PRKCA: variants seen among roughly 807,000 people sequenced by gnomAD.
PRKCA encodes protein kinase C alpha, also known as protein kinase C alpha type.
A neutral mutation model predicts 87.0 loss-of-function variants in PRKCA; 27 were observed. The ratio of observed to expected loss-of-function variants is 0.31; its 90% CI spans 0.23 to 0.43. PRKCA has a LOEUF of 0.43. Ranked by LOEUF, PRKCA falls within the 20% of genes least tolerant of loss-of-function variation. The pLI is 1.00. For synonymous variants in PRKCA, 329 were observed against 311.1 expected (o/e 1.06, Z -0.61); for missense variants, 518 against 852.3 (o/e 0.61, Z 4.88).
intron 3 of PRKCA, among the ~76,000 whole-genome samples, chr17:66,565,920 C>A (rs1481071333): frequency 1.3e-5 from 2 of 152,046 alleles, no homozygotes; most frequent in Admixed American, 6.5e-5. Context: ...ACTACCACAG[C>A]CCTAGTCCTC....
At chr17:66,464,186 C>G (rs1914981843) in intron 2 of PRKCA, among the ~76,000 whole-genome samples, 1 of 152,016 alleles carries the variant, frequency 6.6e-6, no homozygotes, top group African/African-American at 2.4e-5. Context: ...TATGTTTTTT[C>G]TATGTCTTTT....
intron 13 of PRKCA, among the ~76,000 whole-genome samples, chr17:66,746,580 G>A (rs1224752709): frequency 1.3e-5 from 2 of 152,106 alleles, no homozygotes; most frequent in Non-Finnish European, 2.9e-5. Flanking sequence ...TAGGCAAAGC[G>A]GAGGCTTAAG....
intron 2 of PRKCA, among the ~76,000 whole-genome samples, chr17:66,370,228 CTTTTT>C (rs35851942): frequency 9.3e-4 from 104 of 112,236 alleles, no homozygotes; most frequent in East Asian, 1.8e-3. Flanking sequence ...TATTTTGATA[CTTTTT>C]TTTTTTTTTT....
Position 66,741,711 on chromosome 17 carries a change from A to T in PRKCA, c.1375A>T (p.Ile459Phe). Residue 459 changes from isoleucine (I) to phenylalanine (F), a missense_variant, in exon 12 of 17, where the codon ATC (isoleucine) becomes TTC (phenylalanine). By Grantham distance (21) the Ile-to-Phe change is conservative. Coordinates refer to ENST00000413366, the MANE Select transcript of PRKCA (RefSeq NM_002737.3). ...ATTGTTCTTTCTTCATAAAAGAGGA[A>T]TCATTTATAGGTGTGTATTGAAGCC... ...IGLFFLHKRG[I>F]IYRDLKLDNV... 6.2e-7 allele frequency: 1 copy of T among 1,614,150 alleles called. No homozygotes were observed. The highest frequency in any genetic ancestry group is 8.5e-7 in the Non-Finnish European group (1 of 1,179,994).
intron 2 of PRKCA, among the ~76,000 whole-genome samples, chr17:66,433,480 T>G (rs1283204845): frequency 6.6e-6 from 1 of 152,036 alleles, no homozygotes; most frequent in Non-Finnish European, 1.5e-5. Flanking sequence ...ATGGATGGAG[T>G]AGCTAAAGGA....
At chr17:66,340,844 G>A (rs897080575) in intron 2 of PRKCA, among the ~76,000 whole-genome samples, 4 of 152,140 alleles carry the variant, frequency 2.6e-5, no homozygotes, top group Non-Finnish European at 4.4e-5. Flanking sequence ...AATTGAGAAG[G>A]TAGGGTAGCC....
intron 3 of PRKCA, among the ~76,000 whole-genome samples, chr17:66,501,903 G>A (rs982668658): frequency 6.6e-6 from 1 of 152,176 alleles, no homozygotes; most frequent in Non-Finnish European, 1.5e-5. Flanking sequence ...TTCTTTGGCT[G>A]CCATTGATTG....
At chr17:66,734,078 C>T (rs1050803331) in intron 9 of PRKCA, among the ~76,000 whole-genome samples, 2 of 152,150 alleles carry the variant, frequency 1.3e-5, no homozygotes, top group African/African-American at 4.8e-5. Context: ...AGAAATTTGC[C>T]ATGCCAGCTG....
At chr17:66,622,134 AG>A (rs1165142422) in intron 3 of PRKCA, among the ~76,000 whole-genome samples, 1 of 152,198 alleles carries the variant, frequency 6.6e-6, no homozygotes, top group East Asian at 1.9e-4. Context: ...GGTTATAGAG[AG>A]TTGTAATCGT....
At position 66,719,305 on chromosome 17, in the gene PRKCA, A is replaced by G. The variant is rs1973555767; in HGVS notation, c.919-13383A>G. Among the ~76,000 whole-genome samples the G allele has an allele frequency of 2.6e-5, 4 of 152,224 alleles. No homozygotes were observed. In the South Asian group the frequency reaches 8.3e-4, roughly 31 times the overall value. On this transcript the variant is annotated intron_variant, in intron 8 of 16. Transcript: ENST00000413366. ...GAGTGCTTATAACCAGAAGTTCACAATAAGCAAAGGGGAGAAGCAGGTTAC... is the reference window on the plus strand; with the variant it reads ...GAGTGCTTATAACCAGAAGTTCACAGTAAGCAAAGGGGAGAAGCAGGTTAC...
At chr17:66,306,985 ATAT>A (rs1904849777) in intron 2 of PRKCA, among the ~76,000 whole-genome samples, 2 of 152,140 alleles carry the variant, frequency 1.3e-5, no homozygotes, top group Admixed American at 1.3e-4. Context: ...AGCCTGGAAA[ATAT>A]TATCCTAACA....
intron 2 of PRKCA, among the ~76,000 whole-genome samples, chr17:66,362,437 C>G (rs948432453): frequency 6.6e-6 from 1 of 152,192 alleles, no homozygotes; most frequent in African/African-American, 2.4e-5. Flanking sequence ...GCTCTCCAGG[C>G]TGGGTGTCAT....
rs1598920426 is a variant in PRKCA, at chr17:66,756,721, G to T, written c.1524+13961G>T. Among the ~76,000 whole-genome samples, 5 of 152,206 alleles carry T rather than the reference G, an allele frequency of 3.3e-5. No homozygotes were observed. The South Asian group carries it at 1.0e-3, about 32-fold the overall frequency. ...CTGTCACCCAGGCTGGAGTCCAGTAGCATGATCTCAGCTCACTGCAACCTC... is the reference window on the plus strand; with the variant it reads ...CTGTCACCCAGGCTGGAGTCCAGTATCATGATCTCAGCTCACTGCAACCTC... On this transcript the variant is annotated intron_variant, in intron 13 of 16. Coordinates refer to ENST00000413366, the MANE Select transcript of PRKCA (RefSeq NM_002737.3).
chr17:66,346,225 T>A (rs1907351957), intron 2 of PRKCA, among the ~76,000 whole-genome samples: 1 of 151,516 alleles, frequency 6.6e-6, no homozygotes, highest in Non-Finnish European at 1.5e-5. Context: ...ACCTCTCGAG[T>A]AGCTGGGACT....
At chr17:66,612,397 A>AT (rs1168651568) in intron 3 of PRKCA, among the ~76,000 whole-genome samples, 1 of 151,100 alleles carries the variant, frequency 6.6e-6, no homozygotes, top group Non-Finnish European at 1.5e-5. Flanking sequence ...AAAAAAAAAA[A>AT]AAAAGACTGG....
intron 2 of PRKCA, among the ~76,000 whole-genome samples, chr17:66,463,167 A>G (rs73996219): frequency 0.064 from 9,667 of 152,140 alleles, 1,022 homozygotes; most frequent in African/African-American, 0.22. Context: ...GAGACAGGCA[A>G]CATGTGCACC....
In PRKCA at chr17:66,663,267, C is replaced by A. The variant is rs1026615444; in HGVS notation, c.529+17756C>A. On this transcript the variant is annotated intron_variant, in intron 5 of 16. Transcript: ENST00000413366. Reference sequence around the variant, plus strand: ...GAAGGTTGGTGTCACTGGACGTCGTCTCTTAGGGTGATTCAGCTACTTCAG... The same window carrying A: ...GAAGGTTGGTGTCACTGGACGTCGTATCTTAGGGTGATTCAGCTACTTCAG... Among the ~76,000 whole-genome samples the A allele has an allele frequency of 2.0e-5, 3 of 152,202 alleles. No homozygotes were observed. In the South Asian group the frequency reaches 6.2e-4, roughly 32 times the overall value.
At chr17:66,785,686 G>A (rs906260707) in intron 14 of PRKCA, among the ~76,000 whole-genome samples, 12 of 152,176 alleles carry the variant, frequency 7.9e-5, no homozygotes, top group Admixed American at 5.9e-4. Flanking sequence ...CTCCTAGAAG[G>A]TGCTCAAGGC....
At chr17:66,445,805 T>C (rs931258660) in intron 2 of PRKCA, among the ~76,000 whole-genome samples, 97 of 152,130 alleles carry the variant, frequency 6.4e-4, no homozygotes, top group African/African-American at 1.3e-3. Context: ...TTTTTTTTTT[T>C]TTCTTCTTTT....
Sources: allele counts gnomAD v4.1 joint callset (sites outside exome capture counted in the v4.1 genomes callset), GRCh38; gene constraint gnomAD v4.1.1; transcripts MANE v1.5; gene names NCBI Gene and HGNC (gene_info 2026-07-23, HGNC 2026-07-21).